MAGI1: variants seen among roughly 807,000 people sequenced by gnomAD.
The protein encoded by MAGI1 is membrane associated guanylate kinase, WW and PDZ domain containing 1.
MAGI1 carries 58 observed loss-of-function variants against 139.9 expected under a neutral mutation model. That is an observed-to-expected ratio of 0.41 (90% CI 0.34 to 0.52). The LOEUF is 0.52. Among genes scored for constraint, MAGI1 ranks in the 20% least tolerant of loss-of-function variants. The pLI, the probability that MAGI1 is intolerant of heterozygous loss-of-function variation, is 0.12. For missense variants in MAGI1, 1,874 were observed against 1,901.6 expected, an observed-to-expected ratio of 0.99 and a Z score of 0.27; for synonymous variants, 812 against 737.9, an observed-to-expected ratio of 1.10 and a Z score of -1.63.
chr3:65,409,406 G>T (rs1945603300), intron 12 of MAGI1, among the ~76,000 whole-genome samples: 1 of 152,146 alleles, frequency 6.6e-6, no homozygotes. Context: ...TAATCGTGGG[G>T]TGGGGGAGTG....
intron 5 of MAGI1, among the ~76,000 whole-genome samples, chr3:65,463,558 ATGTGTGTGTGTGTGTGTGTG>A (rs56135171): frequency 1.1e-4 from 16 of 140,748 alleles, no homozygotes; most frequent in South Asian, 2.5e-4. Context: ...TTGGCCTGAA[ATGTGTGTGTGTGTGTGTGTG>A]TGTGTGTGTG....
intron 1 of MAGI1, among the ~76,000 whole-genome samples, chr3:65,870,060 T>C (rs1291694810): frequency 6.6e-6 from 1 of 152,192 alleles, no homozygotes; most frequent in Non-Finnish European, 1.5e-5. Context: ...CATTCTTCAT[T>C]AAATGCATTT....
chr3:65,575,347 GA>G (rs2108090946), intron 2 of MAGI1, among the ~76,000 whole-genome samples: 1 of 152,156 alleles, frequency 6.6e-6, no homozygotes, highest in African/African-American at 2.4e-5. Flanking sequence ...TATACTATTA[GA>G]AAGGTTAAAG....
At chr3:65,853,804 A>G (rs1315851355) in intron 1 of MAGI1, among the ~76,000 whole-genome samples, 1 of 152,172 alleles carries the variant, frequency 6.6e-6, no homozygotes, top group Non-Finnish European at 1.5e-5. Context: ...GGTTATCTCA[A>G]TCAAGAAGTG....
chr3:65,642,046 T>C (rs1243887123), intron 1 of MAGI1, among the ~76,000 whole-genome samples: 1 of 152,190 alleles, frequency 6.6e-6, no homozygotes, highest in Admixed American at 6.5e-5. Flanking sequence ...ATAATAATGA[T>C]GTCTTAAAAG....
chr3:65,682,723 C>T (rs2087682227), intron 1 of MAGI1, among the ~76,000 whole-genome samples: 1 of 152,086 alleles, frequency 6.6e-6, no homozygotes, highest in Admixed American at 6.6e-5. Flanking sequence ...GCTTGATCCA[C>T]TCAAGGAAAA....
chr3:65,928,790 A>G (rs954543942), intron 1 of MAGI1, among the ~76,000 whole-genome samples: 1 of 152,182 alleles, frequency 6.6e-6, no homozygotes, highest in Non-Finnish European at 1.5e-5. Flanking sequence ...GAGCTGTTAC[A>G]TAAGGAAAAC....
At chr3:65,957,702 C>T (rs960557335) in intron 1 of MAGI1, among the ~76,000 whole-genome samples, 1 of 151,980 alleles carries the variant, frequency 6.6e-6, no homozygotes, top group Non-Finnish European at 1.5e-5. Flanking sequence ...CAATGGTTAC[C>T]AGGGAGCGAG....
At chr3:65,777,998 A>G (rs2038607318) in intron 1 of MAGI1, among the ~76,000 whole-genome samples, 2 of 152,208 alleles carry the variant, frequency 1.3e-5, no homozygotes, top group South Asian at 4.1e-4. Context: ...GGTGGGCATC[A>G]TTTATTCAGA....
chr3:65,452,046 T>TA (rs1949062253), intron 6 of MAGI1, among the ~76,000 whole-genome samples: 1 of 152,134 alleles, frequency 6.6e-6, no homozygotes, highest in African/African-American at 2.4e-5. Flanking sequence ...TATAGTCTAT[T>TA]ATCTCCCAAG....
At chr3:65,448,279 G>A in intron 6 of MAGI1, 3 of 590,664 alleles carry the variant, frequency 5.1e-6, no homozygotes, top group East Asian at 5.6e-5. Flanking sequence ...ATAATTACAT[G>A]GCTCATTTCC....
At chr3:65,945,390 G>A (rs908507716) in intron 1 of MAGI1, among the ~76,000 whole-genome samples, 4 of 152,068 alleles carry the variant, frequency 2.6e-5, no homozygotes, top group Non-Finnish European at 4.4e-5. Context: ...GATGATCTGG[G>A]GACCACACAT....
intron 1 of MAGI1, among the ~76,000 whole-genome samples, chr3:65,806,488 T>G (rs2040860907): frequency 6.6e-6 from 1 of 152,184 alleles, no homozygotes; most frequent in South Asian, 2.1e-4. Context: ...CGCCGAGCTG[T>G]AACCAATTCA....
intron 1 of MAGI1, among the ~76,000 whole-genome samples, chr3:65,722,879 C>T (rs1361023489): frequency 6.6e-6 from 1 of 150,676 alleles, no homozygotes; most frequent in Non-Finnish European, 1.5e-5. Context: ...ACGGTGAATA[C>T]TTGTGGGGGT....
intron 1 of MAGI1, among the ~76,000 whole-genome samples, chr3:65,716,962 C>T (rs1487538524): frequency 3.3e-5 from 5 of 152,174 alleles, no homozygotes; most frequent in Admixed American, 1.3e-4. Context: ...TCCCCAAATA[C>T]GTCCTCATCC....
At chr3:65,993,259 T>C (rs1336774447) in intron 1 of MAGI1, among the ~76,000 whole-genome samples, 5 of 152,234 alleles carry the variant, frequency 3.3e-5, no homozygotes, top group African/African-American at 7.2e-5. Context: ...TTGCTTTACA[T>C]GGTTTTACCA....
At chr3:65,380,894 T>A (rs1230450166) in intron 16 of MAGI1, 4 of 152,132 alleles carry the variant, frequency 2.6e-5, no homozygotes, top group African/African-American at 9.7e-5. Context: ...AATTCTATAA[T>A]TAATCATATA....
chr3:65,765,055 C>T (rs2037353326), intron 1 of MAGI1, among the ~76,000 whole-genome samples: 1 of 152,116 alleles, frequency 6.6e-6, no homozygotes, highest in Non-Finnish European at 1.5e-5. Flanking sequence ...TCATAAAGGG[C>T]CTGTGTCCCC....
In MAGI1 at chr3:65,623,622, C is replaced by T. The variant is rs74437887; in HGVS notation, c.314-1534G>A. Among the ~76,000 whole-genome samples, 589 of 152,262 alleles carry T rather than the reference C, an allele frequency of 3.9e-3. 6 individuals are homozygous for T. The highest frequency in any genetic ancestry group is 0.014 in the African/African-American group (568 of 41,554). Reference sequence around the variant, plus strand: ...CCCAGGAGTCACGTGAGCTACAAAACTCATGCCTTCAAATGGTAACTTCCC... The same window carrying T: ...CCCAGGAGTCACGTGAGCTACAAAATTCATGCCTTCAAATGGTAACTTCCC... On this transcript the variant is annotated intron_variant, in intron 1 of 22. Coordinates refer to ENST00000402939, the MANE Select transcript of MAGI1 (RefSeq NM_001033057.2).
Sources: allele counts gnomAD v4.1 joint callset (sites outside exome capture counted in the v4.1 genomes callset), GRCh38; gene constraint gnomAD v4.1.1; transcripts MANE v1.5; gene names NCBI Gene and HGNC (gene_info 2026-07-23, HGNC 2026-07-21).